The following VSIR variants were observed in gnomAD, a reference collection of about 807,000 sequenced individuals.
The protein encoded by VSIR is V-set immunoregulatory receptor.
VSIR carries 10 observed loss-of-function variants against 31.0 expected under a neutral mutation model. That is an observed-to-expected ratio of 0.32 (90% CI 0.20 to 0.55). The LOEUF (loss-of-function observed/expected upper bound fraction) is 0.55. VSIR is among the 20% of genes least tolerant of loss of function. The pLI, the probability that VSIR is intolerant of heterozygous loss-of-function variation, is 0.93. For synonymous variants in VSIR, 179 were observed against 180.1 expected, an observed-to-expected ratio of 0.99 and a Z score of 0.05; for missense variants, 356 against 416.2, an observed-to-expected ratio of 0.86 and a Z score of 1.26.
At chr10:71,766,349 C>T (rs1424259867) in intron 1 of VSIR, among the ~76,000 whole-genome samples, 1 of 152,168 alleles carries the variant, frequency 6.6e-6, no homozygotes, top group Non-Finnish European at 1.5e-5. Context: ...TGTCAAGACC[C>T]AGGCCCCCCG....
intron 3 of VSIR, among the ~76,000 whole-genome samples, chr10:71,755,987 A>G (rs1024798274): frequency 1.7e-4 from 26 of 152,320 alleles, no homozygotes; most frequent in African/African-American, 6.0e-4. Context: ...TTTTATCATA[A>G]TAGATAAAAA....
intron 3 of VSIR, among the ~76,000 whole-genome samples, chr10:71,759,099 G>A (rs12778528): frequency 3.3e-5 from 5 of 151,850 alleles, no homozygotes; most frequent in Admixed American, 6.6e-5. Context: ...GTGCAGTGGC[G>A]CGATCTCGGC....
chr10:71,766,591 C>T (rs1244658173), intron 1 of VSIR, among the ~76,000 whole-genome samples: 4 of 152,228 alleles, frequency 2.6e-5, no homozygotes, highest in African/African-American at 9.6e-5. Context: ...CTCTAAAATC[C>T]TGTGGGCAGG....
At chr10:71,768,058 T>A (rs1021054498) in intron 1 of VSIR, among the ~76,000 whole-genome samples, 6 of 152,230 alleles carry the variant, frequency 3.9e-5, no homozygotes, top group Non-Finnish European at 5.9e-5. Context: ...ACCCTCACGC[T>A]TCTATGCTGT....
rs748156820 is a variant in VSIR, at chr10:71,751,686, C to T, written c.880G>A (p.Val294Ile). The change falls in exon 6 of 7, where the codon GTC becomes ATC. Residue 294 changes from valine (V) to isoleucine (I), a missense_variant. By Grantham distance (29) the Val-to-Ile change is conservative. Around this residue, in one of 2 missense-constraint regions of VSIR, gnomAD observed 190 missense variants for 185.2 expected, o/e 1.03. Coordinates refer to ENST00000394957, the MANE Select transcript of VSIR (RefSeq NM_022153.2). The surrounding 1 kb of genome is among the most constrained non-coding windows in gnomAD (Gnocchi z 4.9). The part of the protein sequence containing the change: ...TPLSPPGPGD[V>I]FFPSLDPVPD... The stretch of plus-strand genomic sequence containing the variant: ...CACTTACCCAGGGATGGGAAGAAGA[C>T]GTCTCCGGGGCCTGGAGGAGACAGG... The T allele has an allele frequency of 1.5e-5, 23 of 1,539,652 alleles. No homozygotes were observed. The highest frequency in any genetic ancestry group is 3.8e-5 in the South Asian group (3 of 79,484).
Position 71,751,715 on chromosome 10 carries a change from G to C in VSIR, c.851C>G (p.Thr284Ser). Residue 284 changes from threonine (T) to serine (S), a missense_variant, in exon 6 of 7, where the codon ACC becomes AGC. Coordinates refer to ENST00000394957, the MANE Select transcript of VSIR (RefSeq NM_022153.2). The surrounding 1 kb of genome is among the most constrained non-coding windows in gnomAD (Gnocchi z 4.9). Reference protein sequence around the residue: ...SGRHLLSEPSTPLSPPGPGDV... With the variant: ...SGRHLLSEPSSPLSPPGPGDV... ...TCCGGGGCCTGGAGGAGACAGGGGG[G>C]TGCTGGGCTCCGAAAGCAGATGCCG... 1 of 1,577,364 alleles carries C rather than the reference G, an allele frequency of 6.3e-7. No individual in the cohort carries two copies. The highest frequency in any genetic ancestry group is 2.2e-5 in the East Asian group (1 of 44,518).
rs1840115007 is a variant in VSIR at position 71,755,454 on chromosome 10, G to A, written c.581C>T (p.Ala194Val). 1 of 1,611,676 alleles carries A rather than the reference G, an allele frequency of 6.2e-7. No homozygotes were observed. The highest frequency in any genetic ancestry group is 8.5e-7 in the Non-Finnish European group (1 of 1,179,182). Reference sequence around the variant, plus strand: ...GATGCAGGCACCCGTAGCCAGGGCTGCAGCCGTGATGTCTGAAAGGGCAGA... The same window carrying A: ...GATGCAGGCACCCGTAGCCAGGGCTACAGCCGTGATGTCTGAAAGGGCAGA... ...SSQDSENITA[A>V]ALATGACIVG... is the part of the protein sequence containing the mutation. The change falls in exon 4 of 7, where the codon GCA becomes GTA. Residue 194 changes from alanine (A) to valine (V), a missense_variant. Physicochemically the swap from Ala to Val is moderately conservative, Grantham distance 64. Transcript: ENST00000394957.
chr10:71,765,985 C>T (rs1840533089), intron 1 of VSIR, among the ~76,000 whole-genome samples: 1 of 152,156 alleles, frequency 6.6e-6, no homozygotes, highest in Non-Finnish European at 1.5e-5. Flanking sequence ...ACAAGGCCCA[C>T]AGCAGCCTGT....
At chr10:71,760,018 C>CAT (rs1230443599) in intron 3 of VSIR, among the ~76,000 whole-genome samples, 1 of 104,184 alleles carries the variant, frequency 9.6e-6, no homozygotes, top group African/African-American at 3.3e-5. Context: ...TATACACACA[C>CAT]ACATATATAC....
At chr10:71,765,933 C>T (rs1215124846) in intron 1 of VSIR, among the ~76,000 whole-genome samples, 2 of 152,084 alleles carry the variant, frequency 1.3e-5, no homozygotes, top group African/African-American at 4.8e-5. Context: ...GGAGGGAAGG[C>T]CAGAAAACAC....
chr10:71,763,229 A>C lies in VSIR; in HGVS notation c.83-1203T>G, dbSNP rs373006594. Reference sequence around the variant, plus strand: ...CCCTCTGTTGCCCAGGCTGACCTTGAACTCCTGGCTTCAAGCAATTCTCCT... The same window carrying C: ...CCCTCTGTTGCCCAGGCTGACCTTGCACTCCTGGCTTCAAGCAATTCTCCT... On this transcript the variant is annotated intron_variant, in intron 1 of 6. Transcript: ENST00000394957. Among the ~76,000 whole-genome samples, 9 of 152,318 alleles carry C rather than the reference A, an allele frequency of 5.9e-5. No homozygotes were observed. The East Asian group carries it at 1.3e-3, about 23-fold the overall frequency.
chr10:71,761,174 G>A (rs1301961876), intron 2 of VSIR, among the ~76,000 whole-genome samples: 3 of 152,094 alleles, frequency 2.0e-5, no homozygotes, highest in African/African-American at 7.2e-5. Flanking sequence ...TCCGAACCAT[G>A]GGCCCTTGCA....
chr10:71,751,213 C>T lies in VSIR; in HGVS notation c.*40G>A. The stretch of plus-strand genomic sequence containing the variant: ...CCAGCCCTGGCTCAAATGCACCTGC[C>T]CCAGACCCAGCCACAACAGCCCACT... On this transcript the variant is annotated 3_prime_UTR_variant, in exon 7 of 7. Coordinates refer to ENST00000394957, the MANE Select transcript of VSIR (RefSeq NM_022153.2). The surrounding 1 kb of genome is among the most constrained non-coding windows in gnomAD (Gnocchi z 4.9). The T allele has an allele frequency of 6.3e-7, 1 of 1,595,008 alleles. No homozygotes were observed. The highest frequency in any genetic ancestry group is 8.6e-7 in the Non-Finnish European group (1 of 1,169,422).
At chr10:71,759,502 T>G (rs1474498794) in intron 3 of VSIR, among the ~76,000 whole-genome samples, 1 of 150,506 alleles carries the variant, frequency 6.6e-6, no homozygotes, top group Admixed American at 6.6e-5. Context: ...GAGAGAGTCT[T>G]TCTCAAAAAA....
chr10:71,755,320 C>T (rs756488523), intron 4 of VSIR, 39 bp downstream of exon 4: 7 of 1,559,900 alleles, frequency 4.5e-6, no homozygotes, highest in South Asian at 3.5e-5. Flanking sequence ...GCAGGTCACT[C>T]GCACCGTCCA....
intron 4 of VSIR, chr10:71,753,940 G>A (rs1440496959): frequency 2.2e-6 from 1 of 451,018 alleles, no homozygotes; most frequent in African/African-American, 2.0e-5. Context: ...CCTTTGGGGT[G>A]AGGGTTGTTG....
rs1441702120 is a variant in VSIR at position 71,750,372 on chromosome 10, C to G, written c.*881G>C. On this transcript the variant is annotated 3_prime_UTR_variant, in exon 7 of 7. Coordinates refer to ENST00000394957, the MANE Select transcript of VSIR (RefSeq NM_022153.2). The stretch of plus-strand genomic sequence containing the variant: ...TCCCGCTTCATACTCAGAAGTGTCC[C>G]AGGGTGGACAAGACATTGTGTGGCA... 1 of 152,226 alleles carries G rather than the reference C, an allele frequency of 6.6e-6. No individual in the cohort carries two copies. The highest frequency in any genetic ancestry group is 2.4e-5 in the African/African-American group (1 of 41,446). The allele number at this position is 152,226 out of a possible 1,614,324, so 9.4% of individuals were successfully genotyped here. A position where few individuals can be genotyped will look rare whatever the true frequency, so the allele number is the denominator to read the frequency against.
rs1491280315 is a variant in VSIR, at chr10:71,759,888, TAC to T, written c.568+978_568+979del. 2.7e-4 allele frequency among the ~76,000 whole-genome samples: 8 copies of T among 30,016 alleles called. 2 individuals are homozygous for T. The highest frequency in any genetic ancestry group is 7.8e-4 in the Admixed American group (2 of 2,572). The allele number at this position is 30,016 out of a possible 152,430, so 19.7% of individuals were successfully genotyped here. ...ACATATATATACACACACACACATA[TAC>T]ACACACACATATATACACACACACA... On this transcript the variant is annotated intron_variant, in intron 3 of 6. Coordinates refer to ENST00000394957, the MANE Select transcript of VSIR (RefSeq NM_022153.2).
chr10:71,770,028 C>T (rs1198010772), intron 1 of VSIR, among the ~76,000 whole-genome samples: 2 of 152,212 alleles, frequency 1.3e-5, no homozygotes, highest in African/African-American at 4.8e-5. Context: ...TACAGGGGCT[C>T]ACAGGTAGCT....
Sources: gnomAD v4.1 joint callset for allele counts (sites outside exome capture counted in the v4.1 genomes callset) on GRCh38, gnomAD v4.1.1 for gene constraint, gnomAD v4.1.1 regional missense constraint, Gnocchi (gnomAD v3.1) non-coding constraint, MANE v1.5 for transcripts, NCBI Gene and HGNC (gene_info 2026-07-23, HGNC 2026-07-21) for gene names.